POU3F3: variants seen among roughly 807,000 people sequenced by gnomAD.
POU3F3 encodes POU domain, class 3, transcription factor 3.
In POU3F3, 1 loss-of-function variant was observed where a neutral mutation model predicts 8.6. The ratio of observed to expected loss-of-function variants is 0.12; its 90% CI spans 0.04 to 0.55. POU3F3 has a LOEUF of 0.55. POU3F3 is among the 20% of genes least tolerant of loss of function. The pLI, the probability that POU3F3 is intolerant of heterozygous loss-of-function variation, is 0.91. For missense variants in POU3F3, 577 were observed against 690.7 expected (o/e 0.84, Z 1.84); for synonymous variants, 418 against 327.4 (o/e 1.28, Z -2.99).
At chr2:104,886,823 A>C in the POU3F3 span, among the ~76,000 whole-genome samples, 1 of 152,142 alleles carries the variant, frequency 6.6e-6, no homozygotes, top group Non-Finnish European at 1.5e-5. Context: ...CAGGAGAATC[A>C]CTTGAACCTG....
At chr2:104,880,275 C>T in the POU3F3 span, among the ~76,000 whole-genome samples, 1 of 152,212 alleles carries the variant, frequency 6.6e-6, no homozygotes, top group Non-Finnish European at 1.5e-5. Flanking sequence ...CCAGATTCTC[C>T]TTCATTCACG....
the POU3F3 span, among the ~76,000 whole-genome samples, chr2:104,878,952 A>G: frequency 2.0e-5 from 3 of 151,972 alleles, no homozygotes; most frequent in Admixed American, 6.6e-5. Context: ...CAACACACAA[A>G]TACAACACAT....
chr2:104,863,948 TCGCGCCGCCAGGCCCTG>T, the POU3F3 span, among the ~76,000 whole-genome samples: 1 of 152,202 alleles, frequency 6.6e-6, no homozygotes, highest in Non-Finnish European at 1.5e-5. Context: ...TGTGGAAGTT[TCGCGCCGCCAGGCCCTG>T]CGCGCCGCAC....
chr2:104,864,106 C>A, the POU3F3 span, among the ~76,000 whole-genome samples: 1 of 152,228 alleles, frequency 6.6e-6, no homozygotes, highest in African/African-American at 2.4e-5. Flanking sequence ...GTCGCTCCCC[C>A]AGGCCCCGTC....
At chr2:104,886,759 T>A in the POU3F3 span, among the ~76,000 whole-genome samples, 4 of 151,764 alleles carry the variant, frequency 2.6e-5, no homozygotes, top group African/African-American at 7.3e-5. Context: ...AAATACAAAA[T>A]TAGCTGGGTG....
At chr2:104,886,669 A>T in the POU3F3 span, among the ~76,000 whole-genome samples, 23 of 152,316 alleles carry the variant, frequency 1.5e-4, no homozygotes, top group Admixed American at 1.4e-3. Flanking sequence ...GGACTTTTAG[A>T]GGCTGAGGTA....
At chr2:104,864,175 G>A in the POU3F3 span, among the ~76,000 whole-genome samples, 2 of 152,370 alleles carry the variant, frequency 1.3e-5, no homozygotes, top group Admixed American at 1.3e-4. Context: ...CGGTGTGCGG[G>A]CGCCGGCAGC....
the POU3F3 span, among the ~76,000 whole-genome samples, chr2:104,888,354 G>A: frequency 2.0e-5 from 3 of 152,208 alleles, no homozygotes; most frequent in African/African-American, 7.2e-5. Flanking sequence ...GCTCTGTGTG[G>A]TGAGATGAAA....
chr2:104,889,733 C>A, the POU3F3 span, among the ~76,000 whole-genome samples: 1 of 152,248 alleles, frequency 6.6e-6, no homozygotes, highest in South Asian at 2.1e-4. Flanking sequence ...ATGTTCCTAC[C>A]TGGCATCGTT....
At chr2:104,887,209 T>G in the POU3F3 span, among the ~76,000 whole-genome samples, 1 of 152,188 alleles carries the variant, frequency 6.6e-6, no homozygotes, top group African/African-American at 2.4e-5. Flanking sequence ...TTAGCCGGCT[T>G]CTTTACTGCA....
At position 104,856,402 on chromosome 2, in the gene POU3F3, G is replaced by A; in HGVS notation, c.892G>A (p.Gly298Ser). The change falls in exon 1 of 1, where the codon GGC (glycine) becomes AGC (serine). Residue 298 changes from glycine to serine, a missense_variant. Physicochemically the swap from Gly to Ser is moderately conservative, Grantham distance 56 (BLOSUM62 0). Transcript: ENST00000361360. Reference sequence around the variant, plus strand: ...GGGACCCCCGCACCACGGCGGCGGCGGCGGCGGCGCGGGGCCTGGACTCAA... The same window carrying A: ...GGGACCCCCGCACCACGGCGGCGGCAGCGGCGGCGCGGGGCCTGGACTCAA... ...AQGPPHHGGGGGGAGPGLNSH... is the reference protein window; with the variant it reads ...AQGPPHHGGGSGGAGPGLNSH... The A allele has an allele frequency of 6.3e-7, 1 of 1,585,118 alleles. No homozygotes were observed. Among genetic ancestry groups the A allele is most frequent in the East Asian group, 2.3e-5 (1 of 43,180 alleles).
chr2:104,917,717 C>G, the POU3F3 span, among the ~76,000 whole-genome samples: 1 of 152,274 alleles, frequency 6.6e-6, no homozygotes, highest in Middle Eastern at 3.4e-3. Context: ...TCTCCAGGAA[C>G]ACTACATGAA....
chr2:104,923,391 G>A, the POU3F3 span, among the ~76,000 whole-genome samples: 2 of 152,128 alleles, frequency 1.3e-5, no homozygotes, highest in South Asian at 4.2e-4. Flanking sequence ...TACCTGAAAG[G>A]GGGTAGGGAA....
At chr2:104,922,423 CA>C in the POU3F3 span, among the ~76,000 whole-genome samples, 1 of 130,932 alleles carries the variant, frequency 7.6e-6, no homozygotes, top group African/African-American at 2.8e-5. Flanking sequence ...GAAAGGAAAT[CA>C]TGTAAAAAGT....
chr2:104,923,612 T>C, the POU3F3 span, among the ~76,000 whole-genome samples: 20 of 151,928 alleles, frequency 1.3e-4, no homozygotes, highest in Non-Finnish European at 2.8e-4. Flanking sequence ...ATGCAAGAAA[T>C]GAAGTACAAA....
chr2:104,921,053 C>A, the POU3F3 span, among the ~76,000 whole-genome samples: 1 of 152,136 alleles, frequency 6.6e-6, no homozygotes, highest in Non-Finnish European at 1.5e-5. Flanking sequence ...AGGGCCACAC[C>A]TAGTTGCTAG....
the POU3F3 span, among the ~76,000 whole-genome samples, chr2:104,900,607 T>G: frequency 6.6e-6 from 1 of 152,246 alleles, no homozygotes; most frequent in African/African-American, 2.4e-5. Context: ...TTCATAATGT[T>G]TATGGTTGTT....
downstream of POU3F3, among the ~76,000 whole-genome samples, chr2:104,861,884 G>A (rs1264641634): frequency 6.6e-6 from 1 of 152,190 alleles, no homozygotes; most frequent in African/African-American, 2.4e-5. Context: ...CTGGGTGCAG[G>A]ATCCTCACGG....
chr2:104,923,366 A>C, the POU3F3 span, among the ~76,000 whole-genome samples: 1 of 152,206 alleles, frequency 6.6e-6, no homozygotes, highest in Admixed American at 6.5e-5. Flanking sequence ...TAAACATGTA[A>C]GTTTGTAACA....
Sources: gnomAD v4.1 joint callset for allele counts (sites outside exome capture counted in the v4.1 genomes callset) on GRCh38, gnomAD v4.1.1 for gene constraint, MANE v1.5 for transcripts, NCBI Gene and HGNC (gene_info 2026-07-23, HGNC 2026-07-21) for gene names.